ECHDC3: variants seen among roughly 807,000 people sequenced by gnomAD.
ECHDC3 encodes enoyl-CoA hydratase domain containing 3.
Under a neutral mutation model 17.9 loss-of-function variants are expected in ECHDC3, and 20 were observed. The observed-to-expected ratio is 1.12, with a 90% confidence interval of 0.79 to 1.63. ECHDC3 has a LOEUF of 1.63. Ranked by LOEUF, ECHDC3 falls within the 40% of genes most tolerant of loss-of-function variation. The pLI, the probability that ECHDC3 is intolerant of heterozygous loss-of-function variation, is 0.00. For missense variants in ECHDC3, 407 were observed against 357.7 expected (o/e 1.14, Z -1.11); for synonymous variants, 177 against 149.7 (o/e 1.18, Z -1.33).
Position 11,742,742 on chromosome 10 carries a change from A to G in ECHDC3, c.166A>G (p.Ile56Val), listed in dbSNP as rs1832710035. 2 of 1,233,480 alleles carry G rather than the reference A, an allele frequency of 1.6e-6. No homozygotes were observed. Among genetic ancestry groups the G allele is most frequent in the Non-Finnish European group, 2.0e-6 (2 of 988,660 alleles). The allele number at this position is 1,233,480 out of a possible 1,614,324, so 76.4% of individuals were successfully genotyped here. The change falls in exon 1 of 5, where the codon ATA becomes GTA. Residue 56 changes from isoleucine (I) to valine (V), a missense_variant. By Grantham distance (29) the Ile-to-Val change is conservative. Coordinates refer to ENST00000379215, the MANE Select transcript of ECHDC3 (RefSeq NM_024693.5). ...CACCAGCGCGCGGCAGCTGGACGGC[A>G]TAAGGTCAGCCCCGGGCCGCGCGGG... The part of the protein sequence containing the change: ...RPTSARQLDG[I>V]RNIVLSNPKK...
chr10:11,753,762 A>G (rs902166677), intron 3 of ECHDC3, among the ~76,000 whole-genome samples: 19 of 107,364 alleles, frequency 1.8e-4, no homozygotes, highest in African/African-American at 5.7e-4. Flanking sequence ...TTATCTGTGC[A>G]TTCTTCTTCT....
chr10:11,762,004 C>T (rs1232576420), intron 4 of ECHDC3, among the ~76,000 whole-genome samples: 6 of 151,814 alleles, frequency 4.0e-5, no homozygotes, highest in South Asian at 2.1e-4. Context: ...AGGCCAAGGC[C>T]GTGGGGTCAC....
chr10:11,763,580 C>T lies in ECHDC3; in HGVS notation c.*36C>T, dbSNP rs1441852540. The T allele has an allele frequency of 1.2e-5, 18 of 1,457,684 alleles. No individual in the cohort carries two copies. Among genetic ancestry groups the T allele is most frequent in the Non-Finnish European group, 1.6e-5 (18 of 1,107,494 alleles). The allele number at this position is 1,457,684 out of a possible 1,614,324, so 90.3% of individuals were successfully genotyped here. ...AGGAGTGAGGCCCACGGGCAGCGCCCAGGAGCCCACCTTCCCCTCTGGCCC... is the reference window on the plus strand; with the variant it reads ...AGGAGTGAGGCCCACGGGCAGCGCCTAGGAGCCCACCTTCCCCTCTGGCCC... On this transcript the variant is annotated 3_prime_UTR_variant, in exon 5 of 5. Transcript: ENST00000379215. The surrounding 1 kb of genome is among the most constrained non-coding windows in gnomAD (Gnocchi z 4.9).
chr10:11,742,921 C>A, intron 1 of ECHDC3, 175 bp downstream of exon 1: 1 of 708,238 alleles, frequency 1.4e-6, no homozygotes, highest in Non-Finnish European at 1.9e-6. Flanking sequence ...ATTGTAGGGC[C>A]GTCGGTGGGA....
At chr10:11,762,374 G>A (rs1832963309) in intron 4 of ECHDC3, among the ~76,000 whole-genome samples, 1 of 152,220 alleles carries the variant, frequency 6.6e-6, no homozygotes, top group South Asian at 2.1e-4. Flanking sequence ...CGGTGCATGG[G>A]CGTATTTGAG....
chr10:11,747,275 TAGAC>T (rs1346418327), intron 1 of ECHDC3, 70 bp from the exon 2 acceptor site: 1 of 1,574,078 alleles, frequency 6.4e-7, no homozygotes, highest in Non-Finnish European at 8.6e-7. Context: ...CCTCCTAAAT[TAGAC>T]AGGAATCGCA....
intron 2 of ECHDC3, among the ~76,000 whole-genome samples, chr10:11,748,226 T>G (rs979380391): frequency 6.6e-4 from 12 of 18,060 alleles, no homozygotes; most frequent in Admixed American, 1.2e-3. Context: ...AGTTAACGTC[T>G]TCTTTTTTTT....
chr10:11,742,678 C>T lies in ECHDC3; in HGVS notation c.102C>T (p.Asp34=). 8.0e-7 allele frequency: 1 copy of T among 1,245,318 alleles called. No homozygotes were observed. Among genetic ancestry groups the T allele is most frequent in the Non-Finnish European group, 1.0e-6 (1 of 996,368 alleles). The allele number at this position is 1,245,318 out of a possible 1,614,324, so 77.1% of individuals were successfully genotyped here. A position where few individuals can be genotyped will look rare whatever the true frequency, so the allele number is the denominator to read the frequency against. ...AQLPARFCSR[D]PAGAGRRESE... Reference sequence around the variant, plus strand: ...TCCCCGCCCGCTTCTGCAGCCGGGACCCGGCCGGGGCGGGGCGGCGGGAGT... The same window carrying T: ...TCCCCGCCCGCTTCTGCAGCCGGGATCCGGCCGGGGCGGGGCGGCGGGAGT... Residue 34 remains aspartate, a synonymous_variant, in exon 1 of 5, where the codon GAC becomes GAT. Coordinates refer to ENST00000379215, the MANE Select transcript of ECHDC3 (RefSeq NM_024693.5).
In ECHDC3 at chr10:11,749,496, T is replaced by C. The variant is rs1832799728; in HGVS notation, c.294T>C (p.Ala98=). The change falls in exon 3 of 5, where the codon GCT becomes GCC. Residue 98 remains alanine, a splice_region_variant and synonymous_variant. Transcript: ENST00000379215. ...SNDLKVIIIS[A]EGPVFSSGHD... ...TTTCTCAATTGGAAACATTTGCAGCTGAGGGGCCTGTGTTTTCTTCTGGGC... is the reference window on the plus strand; with the variant it reads ...TTTCTCAATTGGAAACATTTGCAGCCGAGGGGCCTGTGTTTTCTTCTGGGC... 9 of 1,614,050 alleles carry C rather than the reference T, an allele frequency of 5.6e-6. No homozygotes were observed. Among genetic ancestry groups the C allele is most frequent in the Non-Finnish European group, 7.6e-6 (9 of 1,180,010 alleles).
At chr10:11,757,987 G>A (rs1832902418) in intron 4 of ECHDC3, among the ~76,000 whole-genome samples, 1 of 152,106 alleles carries the variant, frequency 6.6e-6, no homozygotes, top group African/African-American at 2.4e-5. Context: ...TGGGGGGTGG[G>A]TGCGTGTCCC....
At position 11,753,315 on chromosome 10, in the gene ECHDC3, G is replaced by A. The variant is rs570210230; in HGVS notation, c.391-2093G>A. On this transcript the variant is annotated intron_variant, in intron 3 of 4. Coordinates refer to ENST00000379215, the MANE Select transcript of ECHDC3 (RefSeq NM_024693.5). ...GGAGAGTCACTTGAACCCGGGAGGC[G>A]GAGGTTGCAGTGAGCCAAGATTGTG... is the stretch of plus-strand genomic sequence containing the variant. Among the ~76,000 whole-genome samples, 11 of 152,274 alleles carry A rather than the reference G, an allele frequency of 7.2e-5. No individual in the cohort carries two copies. The South Asian group carries it at 1.0e-3, about 14-fold the overall frequency.
intron 1 of ECHDC3, among the ~76,000 whole-genome samples, chr10:11,747,006 A>G (rs888486690): frequency 9.2e-5 from 14 of 152,216 alleles, no homozygotes; most frequent in African/African-American, 2.2e-4. Context: ...GCCTGCTATC[A>G]TGCTAAGCTT....
intron 1 of ECHDC3, 38 bp downstream of exon 1, chr10:11,742,784 C>A: frequency 3.3e-6 from 4 of 1,224,520 alleles, no homozygotes; most frequent in Non-Finnish European, 4.1e-6. Flanking sequence ...GCGTTGGTGC[C>A]GAGTCGGGGT....
chr10:11,755,737 C>T, intron 4 of ECHDC3, 129 bp downstream of exon 4: 1 of 909,150 alleles, frequency 1.1e-6, no homozygotes, highest in Non-Finnish European at 1.6e-6. Flanking sequence ...CCCAGAGTGC[C>T]TCTGGCTAGA....
At chr10:11,760,400 T>C (rs1365488807) in intron 4 of ECHDC3, among the ~76,000 whole-genome samples, 1 of 152,242 alleles carries the variant, frequency 6.6e-6, no homozygotes, top group Admixed American at 6.5e-5. Flanking sequence ...CGGCCCAGGC[T>C]GCAAGCCCCC....
intron 1 of ECHDC3, among the ~76,000 whole-genome samples, chr10:11,745,158 G>T (rs568310816): frequency 6.6e-6 from 1 of 152,160 alleles, no homozygotes; most frequent in Non-Finnish European, 1.5e-5. Context: ...TGGGTGGGGT[G>T]GGAGGAGCTG....
chr10:11,763,493 C>T lies in ECHDC3; in HGVS notation c.861C>T (p.Ile287=). The change falls in exon 5 of 5, where the codon ATC becomes ATT. Residue 287 remains isoleucine (I), a synonymous_variant. Transcript: ENST00000379215. The surrounding 1 kb of genome is among the most constrained non-coding windows in gnomAD (Gnocchi z 4.9). The part of the protein sequence containing the change: ...NLALRDGQEG[I]TAFLQKRKPV... ...CCCTGCGGGACGGGCAGGAGGGCAT[C>T]ACGGCCTTCCTCCAGAAGAGAAAAC... is the stretch of plus-strand genomic sequence containing the variant. 7.8e-7 allele frequency: 1 copy of T among 1,277,948 alleles called. No individual in the cohort carries two copies. Among genetic ancestry groups the T allele is most frequent in the Non-Finnish European group, 1.1e-6 (1 of 890,162 alleles). 79.2% of individuals were successfully genotyped at this position (1,277,948 alleles called of 1,614,324 possible). A position where few individuals can be genotyped will look rare whatever the true frequency, so the allele number is the denominator to read the frequency against.
intron 4 of ECHDC3, among the ~76,000 whole-genome samples, chr10:11,759,309 G>A (rs753420550): frequency 2.0e-5 from 3 of 150,234 alleles, no homozygotes; most frequent in African/African-American, 7.4e-5. Flanking sequence ...AGCCGAGGTC[G>A]TGCCATTGCT....
chr10:11,757,333 T>G (rs4747939), intron 4 of ECHDC3, among the ~76,000 whole-genome samples: 2,058 of 152,302 alleles, frequency 0.014, 24 homozygotes, highest in Admixed American at 0.021. Context: ...TAGACCATAT[T>G]TATCAAGTTT....
Sources: gnomAD v4.1 joint callset for allele counts (sites outside exome capture counted in the v4.1 genomes callset) on GRCh38, gnomAD v4.1.1 for gene constraint, Gnocchi (gnomAD v3.1) non-coding constraint, MANE v1.5 for transcripts, NCBI Gene and HGNC (gene_info 2026-07-23, HGNC 2026-07-21) for gene names.